The following TIPIN variants were observed in gnomAD, a reference collection of about 807,000 sequenced individuals.
TIPIN encodes the protein TIMELESS interacting protein, also known as TIMELESS-interacting protein.
In TIPIN, 29 loss-of-function variants were observed where a neutral mutation model predicts 35.6. The ratio of observed to expected loss-of-function variants is 0.82; its 90% CI spans 0.61 to 1.11. The LOEUF is 1.11. TIPIN is among the 50% of genes most tolerant of loss of function. The probability of loss-of-function intolerance (pLI) is 0.00; values close to 1 mark genes in which losing one functional copy is unlikely to be tolerated. For missense variants in TIPIN, 296 were observed against 345.4 expected (o/e 0.86, Z 1.13); for synonymous variants, 102 against 121.5 (o/e 0.84, Z 1.06).
chr15:66,367,858 A>G (rs1417524278), intron 1 of TIPIN, among the ~76,000 whole-genome samples: 4 of 123,296 alleles, frequency 3.2e-5, no homozygotes, highest in South Asian at 2.5e-4. Flanking sequence ...TTTTTGATTC[A>G]AAGTCTTGCT....
At chr15:66,379,650 C>T (rs1039623057) in intron 1 of TIPIN, 66 of 1,610,174 alleles carry the variant, frequency 4.1e-5, no homozygotes, top group South Asian at 3.4e-4. Context: ...CATCTTGTAA[C>T]GGAAGCCCAG....
At chr15:66,364,926 A>G (rs1363600581) in intron 1 of TIPIN, among the ~76,000 whole-genome samples, 1 of 131,540 alleles carries the variant, frequency 7.6e-6, no homozygotes, top group Non-Finnish European at 1.5e-5. Flanking sequence ...AGATCACGTC[A>G]CTGCATTCCA....
intron 1 of TIPIN, among the ~76,000 whole-genome samples, chr15:66,363,855 G>A (rs1476390431): frequency 1.4e-4 from 11 of 78,032 alleles, no homozygotes; most frequent in Non-Finnish European, 1.8e-4. Flanking sequence ...GGTGGCAGGC[G>A]CCTGTAGTCC....
rs12907553 is a variant in TIPIN at position 66,349,953 on chromosome 15, T to G, written c.289-516A>C. Among the ~76,000 whole-genome samples the G allele has an allele frequency of 4.8e-4, 47 of 97,704 alleles. No individual in the cohort carries two copies. The East Asian group carries it at 0.02, about 42-fold the overall frequency. 64.1% of individuals were successfully genotyped at this position (97,704 alleles called of 152,430 possible). A position where few individuals can be genotyped will look rare whatever the true frequency, so the allele number is the denominator to read the frequency against. ...GAGCACTGGATACAGGGGTTTTTTT[T>G]GTTTTTTTGGTTTTTTTGGTTTTTT... is the stretch of plus-strand genomic sequence containing the variant. On this transcript the variant is annotated intron_variant, in intron 4 of 7. Transcript: ENST00000261881.
intron 1 of TIPIN, among the ~76,000 whole-genome samples, chr15:66,385,381 G>A (rs1321004196): frequency 1.3e-5 from 2 of 152,210 alleles, no homozygotes; most frequent in Admixed American, 1.3e-4. Context: ...ATGGGAAAGG[G>A]GAAGAGGAAC....
At chr15:66,366,878 G>A (rs1225041390) in intron 1 of TIPIN, 1 of 984,970 alleles carries the variant, frequency 1.0e-6, no homozygotes, top group African/African-American at 1.7e-5. Flanking sequence ...CAGGGCAACA[G>A]TAATAAAATT....
At chr15:66,338,171 G>A (rs1209413580) in intron 7 of TIPIN, among the ~76,000 whole-genome samples, 3 of 151,360 alleles carry the variant, frequency 2.0e-5, no homozygotes, top group Non-Finnish European at 4.4e-5. Flanking sequence ...CAGGAGAATC[G>A]CTTGAACCTA....
At chr15:66,337,697 G>C (rs759003648) in intron 7 of TIPIN, among the ~76,000 whole-genome samples, 68 of 151,520 alleles carry the variant, frequency 4.5e-4, no homozygotes, top group Non-Finnish European at 4.6e-4. Context: ...CAATGTGGGA[G>C]GATCATTGGA....
intron 1 of TIPIN, among the ~76,000 whole-genome samples, chr15:66,384,603 A>C (rs1181562664): frequency 6.6e-6 from 1 of 151,760 alleles, no homozygotes; most frequent in Non-Finnish European, 1.5e-5. Context: ...ACCCAGAATA[A>C]TTTATTTTTT....
intron 1 of TIPIN, chr15:66,371,518 CT>C (rs199762438): frequency 0.044 from 13,929 of 316,886 alleles, 39 homozygotes; most frequent in Middle Eastern, 0.064. Flanking sequence ...GTAATTGTTT[CT>C]TTTTTTTTTT....
Position 66,371,937 on chromosome 15 carries a change from G to T in TIPIN, c.-9+14670C>A, listed in dbSNP as rs117847969. On this transcript the variant is annotated intron_variant, in intron 1 of 7. Transcript: ENST00000562124. ...AGGCTCCTGAGTAGGTGGGACTACA[G>T]GCACTTGCCATCATGCCTAGCTAAT... 2.1e-3 allele frequency among the ~76,000 whole-genome samples: 326 copies of T among 152,212 alleles called. 8 individuals are homozygous for T. The East Asian group carries it at 0.057, about 27-fold the overall frequency.
intron 1 of TIPIN, among the ~76,000 whole-genome samples, chr15:66,374,035 G>A (rs957127075): frequency 1.3e-4 from 20 of 152,160 alleles, no homozygotes; most frequent in African/African-American, 2.9e-4. Context: ...AATAGTGGAC[G>A]TAGTATCACA....
chr15:66,384,000 T>A (rs8033628), intron 1 of TIPIN, among the ~76,000 whole-genome samples: 10,512 of 151,896 alleles, frequency 0.069, 1,198 homozygotes, highest in African/African-American at 0.24. Flanking sequence ...TTATTTAATT[T>A]ATTTATTTAT....
At chr15:66,385,620 T>C (rs376879830) in intron 1 of TIPIN, among the ~76,000 whole-genome samples, 4 of 151,630 alleles carry the variant, frequency 2.6e-5, no homozygotes, top group East Asian at 3.9e-4. Flanking sequence ...CCCCAAGTAG[T>C]TGGGATTACA....
intron 6 of TIPIN, among the ~76,000 whole-genome samples, chr15:66,346,257 C>CTTTTTT (rs536484516): frequency 7.6e-6 from 1 of 131,086 alleles, no homozygotes. Context: ...CTTAATTTAT[C>CTTTTTT]TTTTTTTTTT....
At chr15:66,339,924 C>T (rs1566970384) in intron 7 of TIPIN, among the ~76,000 whole-genome samples, 8 of 151,506 alleles carry the variant, frequency 5.3e-5, no homozygotes, top group South Asian at 2.1e-4. Flanking sequence ...GGCTGGAGTG[C>T]AGTGGCCCGA....
chr15:66,375,027 G>T (rs927268287), intron 1 of TIPIN, among the ~76,000 whole-genome samples: 17 of 151,948 alleles, frequency 1.1e-4, no homozygotes, highest in African/African-American at 2.7e-4. Flanking sequence ...ATTTTTTTTG[G>T]TTTTTTAATT....
At chr15:66,383,710 G>A (rs1276135990) in intron 1 of TIPIN, 1 of 392,560 alleles carries the variant, frequency 2.5e-6, no homozygotes, top group African/African-American at 2.2e-5. Flanking sequence ...GAAAGAAATG[G>A]GGAGATGTAG....
At chr15:66,339,952 C>G (rs2093073401) in intron 7 of TIPIN, among the ~76,000 whole-genome samples, 1 of 151,792 alleles carries the variant, frequency 6.6e-6, no homozygotes, top group Admixed American at 6.6e-5. Flanking sequence ...TCACTGCAAC[C>G]TCCACCTCCC....
Sources: allele counts gnomAD v4.1 joint callset (sites outside exome capture counted in the v4.1 genomes callset), GRCh38; gene constraint gnomAD v4.1.1; transcripts MANE v1.5; gene names NCBI Gene and HGNC (gene_info 2026-07-23, HGNC 2026-07-21).